The following ERO1B variants were observed in gnomAD, a reference collection of about 807,000 sequenced individuals.
ERO1B encodes ERO1-like protein beta.
In ERO1B, 49 loss-of-function variants were observed where a neutral mutation model predicts 75.3. The ratio of observed to expected loss-of-function variants is 0.65; its 90% CI spans 0.52 to 0.83. The LOEUF is 0.83. Among genes scored for constraint, ERO1B ranks in the 40% least tolerant of loss-of-function variants. The pLI, the probability that ERO1B is intolerant of heterozygous loss-of-function variation, is 0.00. For missense variants in ERO1B, 512 were observed against 560.1 expected (o/e 0.91, Z 0.87); for synonymous variants, 191 against 192.9 (o/e 0.99, Z 0.08).
At position 236,218,128 on chromosome 1, in the gene ERO1B, C is replaced by A. The variant is rs1664044073; in HGVS notation, c.*388G>T. The A allele has an allele frequency of 6.6e-6, 1 of 152,352 alleles. No individual in the cohort carries two copies. Among genetic ancestry groups the A allele is most frequent in the African/African-American group, 2.4e-5 (1 of 41,396 alleles). The allele number at this position is 152,352 out of a possible 1,614,324, so 9.4% of individuals were successfully genotyped here. On this transcript the variant is annotated 3_prime_UTR_variant, in exon 16 of 16. Coordinates refer to ENST00000354619, the MANE Select transcript of ERO1B (RefSeq NM_019891.4). Reference sequence around the variant, plus strand: ...ACACCAGCCCTGAGCAACATTTGTTCCCTAGTTCTCCTTTTCCATAACAGA... The same window carrying A: ...ACACCAGCCCTGAGCAACATTTGTTACCTAGTTCTCCTTTTCCATAACAGA...
At position 236,270,117 on chromosome 1, in the gene ERO1B, A is replaced by T. The variant is rs1457945531; in HGVS notation, c.103-123T>A. 22 of 659,852 alleles carry T rather than the reference A, an allele frequency of 3.3e-5. No individual in the cohort carries two copies. In the Admixed American group the frequency reaches 7.1e-4, roughly 21 times the overall value. 40.9% of individuals were successfully genotyped at this position (659,852 alleles called of 1,614,324 possible). A position where few individuals can be genotyped will look rare whatever the true frequency, so the allele number is the denominator to read the frequency against. On this transcript the variant is annotated intron_variant, in intron 1 of 15. Coordinates refer to ENST00000354619, the MANE Select transcript of ERO1B (RefSeq NM_019891.4). The stretch of plus-strand genomic sequence containing the variant: ...GCCGGTACTTGCTGATTAAGATATA[A>T]CATTAAAGCAGTCAACTTACTTTTT...
intron 2 of ERO1B, among the ~76,000 whole-genome samples, chr1:236,257,273 G>GTTCT (rs1665179684): frequency 6.6e-6 from 1 of 152,190 alleles, no homozygotes; most frequent in Non-Finnish European, 1.5e-5. Flanking sequence ...AGAGAAGGTA[G>GTTCT]TTCTTTTATA....
Position 236,216,484 on chromosome 1 carries a change from CTTCAT to C in ERO1B, c.*2027_*2031del, listed in dbSNP as rs971410067. 12 of 152,072 alleles carry C rather than the reference CTTCAT, an allele frequency of 7.9e-5. No homozygotes were observed. Among genetic ancestry groups the C allele is most frequent in the African/African-American group, 2.9e-4 (12 of 41,404 alleles). The allele number at this position is 152,072 out of a possible 1,614,324, so 9.4% of individuals were successfully genotyped here. On this transcript the variant is annotated 3_prime_UTR_variant, in exon 16 of 16. Coordinates refer to ENST00000354619, the MANE Select transcript of ERO1B (RefSeq NM_019891.4). ...TAAGATGAATTTCAGCCTAAGAATA[CTTCAT>C]TTATTTTCTTAGTTGTGAAAAAATT... is the stretch of plus-strand genomic sequence containing the variant.
Position 236,259,285 on chromosome 1 carries a change from A to G in ERO1B, c.223-5780T>C, listed in dbSNP as rs139021409. Reference sequence around the variant, plus strand: ...CAAGGCATACCACTATAAAAAAATCATCAAACCACAAAGGAAAACAGCAAG... The same window carrying G: ...CAAGGCATACCACTATAAAAAAATCGTCAAACCACAAAGGAAAACAGCAAG... On this transcript the variant is annotated intron_variant, in intron 2 of 15. Coordinates refer to ENST00000354619, the MANE Select transcript of ERO1B (RefSeq NM_019891.4). 6.3e-3 allele frequency among the ~76,000 whole-genome samples: 960 copies of G among 152,324 alleles called. 9 individuals are homozygous for G. Among genetic ancestry groups the G allele is most frequent in the African/African-American group, 0.022 (917 of 41,576 alleles).
Position 236,243,441 on chromosome 1 carries a change from A to T in ERO1B, c.486T>A (p.Asp162Glu). Residue 162 changes from aspartate (D) to glutamate (E), a missense_variant, in exon 6 of 16, where the codon GAT (aspartate) becomes GAA (glutamate). By Grantham distance (45) the Asp-to-Glu change is conservative (BLOSUM62 2). Coordinates refer to ENST00000354619, the MANE Select transcript of ERO1B (RefSeq NM_019891.4). ...IDWARYDDSR[D>E]HFCELDDERS... is the part of the protein sequence containing the mutation. ...TATTACCATCAAGTTCACAAAAGTG[A>T]TCCCGTGAATCATCATATCTTGCCC... The T allele has an allele frequency of 6.2e-7, 1 of 1,603,334 alleles. No homozygotes were observed. Among genetic ancestry groups the T allele is most frequent in the South Asian group, 1.1e-5 (1 of 89,094 alleles).
chr1:236,238,537 TTTTA>T (rs1229987786), intron 6 of ERO1B, among the ~76,000 whole-genome samples: 1,229 of 88,184 alleles, frequency 0.014, 10 homozygotes, highest in South Asian at 0.033. Context: ...TTTTTTTTTT[TTTTA>T]AAAAAAAAAA....
chr1:236,268,637 A>C (rs1665512558), intron 2 of ERO1B, among the ~76,000 whole-genome samples: 1 of 152,184 alleles, frequency 6.6e-6, no homozygotes, highest in South Asian at 2.1e-4. Flanking sequence ...CTGTAATCCC[A>C]GCACTTTGGG....
At chr1:236,250,437 A>G (rs1481274366) in intron 4 of ERO1B, among the ~76,000 whole-genome samples, 1 of 151,806 alleles carries the variant, frequency 6.6e-6, no homozygotes, top group African/African-American at 2.4e-5. Flanking sequence ...ACGCCACTGC[A>G]CTCCAGCCTG....
chr1:236,242,000 G>A (rs1427864039), intron 6 of ERO1B, among the ~76,000 whole-genome samples: 3 of 151,134 alleles, frequency 2.0e-5, no homozygotes, highest in East Asian at 2.0e-4. Context: ...CCTGGGGGGC[G>A]GAGCTTGCAG....
intron 8 of ERO1B, among the ~76,000 whole-genome samples, chr1:236,233,168 G>A (rs974508712): frequency 6.6e-6 from 1 of 152,020 alleles, no homozygotes; most frequent in Non-Finnish European, 1.5e-5. Flanking sequence ...AATTAGCCAG[G>A]CATGGTGGCA....
At chr1:236,279,843 CAAA>C (rs60949594) in intron 1 of ERO1B, among the ~76,000 whole-genome samples, 141 of 135,268 alleles carry the variant, frequency 1.0e-3, no homozygotes, top group Admixed American at 1.2e-3. Context: ...GACACTATCT[CAAA>C]AAAAAAAAAA....
At position 236,263,778 on chromosome 1, in the gene ERO1B, C is replaced by CTTTTTTTTTTTTTTTTTTTTTTTT; in HGVS notation, c.222+6073_222+6096dup. Among the ~76,000 whole-genome samples the CTTTTTTTTTTTTTTTTTTTTTTTT allele has an allele frequency of 1.2e-4, 10 of 80,296 alleles. 2 individuals are homozygous for CTTTTTTTTTTTTTTTTTTTTTTTT. The highest frequency in any genetic ancestry group is 5.9e-4 in the East Asian group (2 of 3,412). 52.7% of individuals were successfully genotyped at this position (80,296 alleles called of 152,430 possible). ...TATATTTTTTGTTTTATTTTGTTTG[C>CTTTTTTTTTTTTTTTTTTTTTTTT]TTTTTTTTTTTTTTTTTTTTTTTTT... On this transcript the variant is annotated intron_variant, in intron 2 of 15. Coordinates refer to ENST00000354619, the MANE Select transcript of ERO1B (RefSeq NM_019891.4).
rs773645580 is a variant in ERO1B, at chr1:236,226,708, C to T, written c.744G>A (p.Lys248=). The change falls in exon 11 of 16, where the codon AAG becomes AAA. Residue 248 remains lysine, a synonymous_variant. Coordinates refer to ENST00000354619, the MANE Select transcript of ERO1B (RefSeq NM_019891.4). ...TGCTAGCATGAAGTCCCGATATAAGCTTATAGAAGACTCTTTTCTCCAGAC... is the reference window on the plus strand; with the variant it reads ...TGCTAGCATGAAGTCCCGATATAAGTTTATAGAAGACTCTTTTCTCCAGAC... The part of the protein sequence containing the change: ...GLCLEKRVFY[K]LISGLHASIN... 2 of 1,612,062 alleles carry T rather than the reference C, an allele frequency of 1.2e-6. No homozygotes were observed.
chr1:236,236,485 G>C, intron 6 of ERO1B, 87 bp from the exon 7 acceptor site: 1 of 1,423,240 alleles, frequency 7.0e-7, no homozygotes, highest in Non-Finnish European at 9.5e-7. Context: ...ACTACTCAAA[G>C]GTAAGAAAAA....
chr1:236,250,601 A>ATATATATATATATATATATATAT (rs1558515525), intron 4 of ERO1B, among the ~76,000 whole-genome samples: 3 of 63,946 alleles, frequency 4.7e-5, no homozygotes, highest in African/African-American at 1.1e-4. Context: ...ATATATATAT[A>ATATATATATATATATATATATAT]TATATATATA....
At chr1:236,234,848 C>G (rs16833515) in intron 8 of ERO1B, among the ~76,000 whole-genome samples, 10,385 of 152,244 alleles carry the variant, frequency 0.068, 738 homozygotes, top group East Asian at 0.39. Context: ...TCACTGAGAA[C>G]AGACTGAGGA....
chr1:236,253,842 G>A (rs2253993), intron 2 of ERO1B, among the ~76,000 whole-genome samples: 37,719 of 152,038 alleles, frequency 0.25, 4,859 homozygotes, highest in East Asian at 0.38. Flanking sequence ...GCTATGGGGG[G>A]AAAATGGACA....
intron 2 of ERO1B, among the ~76,000 whole-genome samples, chr1:236,266,241 C>T (rs1237543105): frequency 6.6e-6 from 1 of 152,218 alleles, no homozygotes; most frequent in Non-Finnish European, 1.5e-5. Context: ...CAGCCAACTG[C>T]CCAACTGCAT....
At chr1:236,230,110 C>A in intron 10 of ERO1B, 114 bp downstream of exon 10, 1 of 774,394 alleles carries the variant, frequency 1.3e-6, no homozygotes. Context: ...TTTTTTTTTT[C>A]AAACTGTCAA....
Sources: allele counts gnomAD v4.1 joint callset (sites outside exome capture counted in the v4.1 genomes callset), GRCh38; gene constraint gnomAD v4.1.1; transcripts MANE v1.5; gene names NCBI Gene and HGNC (gene_info 2026-07-23, HGNC 2026-07-21).